Variants in CNTN5 observed in about 807,000 individuals in gnomAD.
CNTN5 encodes the protein contactin-5.
A neutral mutation model predicts 129.1 loss-of-function variants in CNTN5; 77 were observed. The observed-to-expected ratio is 0.60, with a 90% CI of 0.50 to 0.72. The LOEUF (loss-of-function observed/expected upper bound fraction) is 0.72, where lower values mean the gene tolerates loss of function less well. Ranked by LOEUF, CNTN5 falls within the 30% of genes least tolerant of loss-of-function variation. The pLI, the probability that CNTN5 is intolerant of heterozygous loss-of-function variation, is 0.00. For missense variants in CNTN5, 1,478 were observed against 1,328.8 expected (o/e 1.11, Z -1.75); for synonymous variants, 509 against 465.6 (o/e 1.09, Z -1.20).
intron 6 of CNTN5, among the ~76,000 whole-genome samples, chr11:99,891,624 T>G (rs988939803): frequency 1.3e-4 from 20 of 152,122 alleles, no homozygotes; most frequent in Admixed American, 9.8e-4. Context: ...AATGATGGTT[T>G]CCAGCTTCAT....
intron 7 of CNTN5, among the ~76,000 whole-genome samples, chr11:99,955,850 C>A (rs1422850919): frequency 6.6e-6 from 1 of 152,170 alleles, no homozygotes; most frequent in Non-Finnish European, 1.5e-5. Flanking sequence ...GGGCGTTAGC[C>A]CCCGTGTGCA....
intron 15 of CNTN5, among the ~76,000 whole-genome samples, chr11:100,206,772 C>T (rs1948921890): frequency 6.6e-6 from 1 of 152,014 alleles, no homozygotes; most frequent in Non-Finnish European, 1.5e-5. Flanking sequence ...TATTCTCATA[C>T]TAAACAATAA....
intron 2 of CNTN5, among the ~76,000 whole-genome samples, chr11:99,400,969 T>G (rs1941775973): frequency 6.6e-6 from 1 of 152,168 alleles, no homozygotes; most frequent in African/African-American, 2.4e-5. Flanking sequence ...CCTTATATAC[T>G]CTAGTTATTA....
intron 3 of CNTN5, among the ~76,000 whole-genome samples, chr11:99,612,888 A>G (rs779257302): frequency 2.0e-5 from 3 of 152,188 alleles, no homozygotes; most frequent in Non-Finnish European, 2.9e-5. Flanking sequence ...CAGTAGACAG[A>G]TGAGTGGTAT....
intron 1 of CNTN5, among the ~76,000 whole-genome samples, chr11:99,198,437 G>A (rs910045735): frequency 2.0e-5 from 3 of 152,076 alleles, no homozygotes; most frequent in Non-Finnish European, 4.4e-5. Context: ...GTTAGATGGG[G>A]CCAAAGTTCC....
chr11:99,716,186 C>T (rs609284), intron 3 of CNTN5, among the ~76,000 whole-genome samples: 148,686 of 152,116 alleles, frequency 0.98, 72,759 homozygotes, highest in East Asian at 1. Context: ...GCAATAATAT[C>T]GTGTATCCCT....
intron 2 of CNTN5, among the ~76,000 whole-genome samples, chr11:99,433,371 A>AAATTG (rs1555143805): frequency 7.1e-6 from 1 of 140,840 alleles, no homozygotes; most frequent in Non-Finnish European, 1.5e-5. Flanking sequence ...TAAAAAAAAA[A>AAATTG]TGTGTGTGTG....
At chr11:99,992,150 A>G (rs1939144585) in intron 8 of CNTN5, among the ~76,000 whole-genome samples, 1 of 152,174 alleles carries the variant, frequency 6.6e-6, no homozygotes, top group Non-Finnish European at 1.5e-5. Flanking sequence ...AACCTTTCCA[A>G]CTCATTAGTC....
intron 1 of CNTN5, among the ~76,000 whole-genome samples, chr11:99,255,074 G>A (rs766927542): frequency 1.3e-5 from 2 of 151,846 alleles, no homozygotes; most frequent in Non-Finnish European, 2.9e-5. Flanking sequence ...GCCAATATTT[G>A]TCAAGAAACT....
intron 2 of CNTN5, among the ~76,000 whole-genome samples, chr11:99,337,546 G>C (rs1866283935): frequency 6.6e-6 from 1 of 152,212 alleles, no homozygotes; most frequent in African/African-American, 2.4e-5. Flanking sequence ...GCTTAAGAAT[G>C]ACTTTAGGTG....
At chr11:100,242,326 C>CT (rs932362158) in intron 16 of CNTN5, among the ~76,000 whole-genome samples, 8 of 152,096 alleles carry the variant, frequency 5.3e-5, no homozygotes, top group African/African-American at 1.2e-4. Flanking sequence ...ATTTTCACCA[C>CT]TTTTTTTTCT....
At chr11:100,058,901 G>C (rs951712067) in intron 9 of CNTN5, among the ~76,000 whole-genome samples, 13 of 152,134 alleles carry the variant, frequency 8.5e-5, no homozygotes, top group African/African-American at 3.1e-4. Context: ...TGAAGAGGAG[G>C]CATTTAGGAC....
chr11:99,882,867 C>G (rs971637784), intron 6 of CNTN5, among the ~76,000 whole-genome samples: 1 of 152,076 alleles, frequency 6.6e-6, no homozygotes, highest in South Asian at 2.1e-4. Flanking sequence ...TTATTCCCCC[C>G]ACCTCCATTC....
chr11:99,482,232 C>G (rs1430940277), intron 2 of CNTN5, among the ~76,000 whole-genome samples: 1 of 152,068 alleles, frequency 6.6e-6, no homozygotes, highest in Non-Finnish European at 1.5e-5. Context: ...AAGTATGTAA[C>G]CAAACAAGTT....
At chr11:99,947,649 T>G (rs1170053900) in intron 7 of CNTN5, among the ~76,000 whole-genome samples, 2 of 152,170 alleles carry the variant, frequency 1.3e-5, no homozygotes, top group Admixed American at 6.6e-5. Flanking sequence ...ATGTGATAAA[T>G]GAAGCCCAAA....
chr11:99,988,743 C>A (rs74543802), intron 8 of CNTN5, among the ~76,000 whole-genome samples: 1,602 of 152,222 alleles, frequency 0.011, 27 homozygotes, highest in African/African-American at 0.034. Context: ...AATTCCCCAC[C>A]AGTGTGGCTG....
intron 2 of CNTN5, among the ~76,000 whole-genome samples, chr11:99,350,516 A>C (rs67800091): frequency 0.18 from 27,919 of 152,130 alleles, 2,670 homozygotes; most frequent in South Asian, 0.26. Context: ...AGAATAACCA[A>C]AGAAAGTTTA....
intron 2 of CNTN5, among the ~76,000 whole-genome samples, chr11:99,470,107 C>A (rs1265525807): frequency 6.6e-6 from 1 of 152,150 alleles, no homozygotes; most frequent in South Asian, 2.1e-4. Flanking sequence ...TTCAAGTGTT[C>A]TCTGTCAGTT....
At chr11:99,545,717 A>G (rs1032619424) in intron 2 of CNTN5, among the ~76,000 whole-genome samples, 2 of 152,220 alleles carry the variant, frequency 1.3e-5, no homozygotes, top group Non-Finnish European at 2.9e-5. Context: ...TTATATGTTG[A>G]AAACTATTTA....
Sources: allele counts gnomAD v4.1 joint callset (sites outside exome capture counted in the v4.1 genomes callset), GRCh38; gene constraint gnomAD v4.1.1; transcripts MANE v1.5; gene names NCBI Gene and HGNC (gene_info 2026-07-23, HGNC 2026-07-21).